The following MEI4 variants were observed in gnomAD, a reference collection of about 807,000 sequenced individuals.
MEI4 encodes meiotic double-stranded break formation protein 4.
A neutral mutation model predicts 31.4 loss-of-function variants in MEI4; 27 were observed. That is an observed-to-expected ratio of 0.86 (90% CI 0.63 to 1.19). The LOEUF (loss-of-function observed/expected upper bound fraction) is 1.19. MEI4 is among the 50% of genes most tolerant of loss of function. MEI4 has a pLI of 0.00. For missense variants in MEI4, 329 were observed against 398.9 expected (o/e 0.82, Z 1.49); for synonymous variants, 122 against 145.4 (o/e 0.84, Z 1.16).
At chr6:77,695,875 A>G (rs1331156914) in intron 2 of MEI4, among the ~76,000 whole-genome samples, 1 of 152,174 alleles carries the variant, frequency 6.6e-6, no homozygotes, top group Admixed American at 6.5e-5. Context: ...TTTTCACGAT[A>G]TAGATTCTTC....
chr6:77,790,819 T>A (rs989608709), intron 3 of MEI4, among the ~76,000 whole-genome samples: 3 of 151,968 alleles, frequency 2.0e-5, no homozygotes, highest in Admixed American at 6.6e-5. Flanking sequence ...CATTATGAAC[T>A]CAAACAAATT....
At chr6:77,883,331 T>G (rs1166998461) in intron 4 of MEI4, among the ~76,000 whole-genome samples, 5 of 152,158 alleles carry the variant, frequency 3.3e-5, no homozygotes, top group Non-Finnish European at 7.3e-5. Flanking sequence ...CTAGCCATTT[T>G]GAAATATATA....
chr6:77,840,864 C>T (rs557771656), intron 4 of MEI4, among the ~76,000 whole-genome samples: 1 of 152,246 alleles, frequency 6.6e-6, no homozygotes, highest in South Asian at 2.1e-4. Flanking sequence ...GATTTTGGAA[C>T]AACATCAAGT....
chr6:77,780,501 A>C (rs1330835198), intron 3 of MEI4, among the ~76,000 whole-genome samples: 1 of 152,150 alleles, frequency 6.6e-6, no homozygotes, highest in Non-Finnish European at 1.5e-5. Context: ...TGAATATCGG[A>C]GTCTGAGTAT....
At chr6:77,705,491 T>G (rs189937972) in intron 2 of MEI4, among the ~76,000 whole-genome samples, 3 of 152,352 alleles carry the variant, frequency 2.0e-5, no homozygotes, top group East Asian at 1.9e-4. Flanking sequence ...TGAGTCACAC[T>G]GAAAGCTAAA....
At chr6:77,917,605 T>C (rs1766591561) in intron 4 of MEI4, among the ~76,000 whole-genome samples, 1 of 50,236 alleles carries the variant, frequency 2.0e-5, no homozygotes, top group Non-Finnish European at 3.3e-5. Flanking sequence ...TTTGCCCACT[T>C]TTTGATGGGG....
At chr6:77,716,462 A>G (rs1400077382) in intron 2 of MEI4, among the ~76,000 whole-genome samples, 1 of 152,190 alleles carries the variant, frequency 6.6e-6, no homozygotes, top group Non-Finnish European at 1.5e-5. Context: ...TATTGTCAGC[A>G]GATGAGTGAC....
chr6:77,734,238 C>G (rs573489009), intron 2 of MEI4, among the ~76,000 whole-genome samples: 13 of 152,110 alleles, frequency 8.5e-5, no homozygotes, highest in Non-Finnish European at 1.8e-4. Flanking sequence ...GTTAACATCT[C>G]CCATTATTAA....
chr6:77,869,047 T>C (rs1301233353), intron 4 of MEI4, among the ~76,000 whole-genome samples: 1 of 152,146 alleles, frequency 6.6e-6, no homozygotes, highest in Non-Finnish European at 1.5e-5. Flanking sequence ...AGTTACTCAC[T>C]CATTCAGTAT....
At chr6:77,763,509 C>G (rs934773390) in intron 3 of MEI4, among the ~76,000 whole-genome samples, 1 of 152,154 alleles carries the variant, frequency 6.6e-6, no homozygotes, top group Admixed American at 6.6e-5. Context: ...TGCAAGAAAG[C>G]CATTCATTCA....
intron 1 of MEI4, among the ~76,000 whole-genome samples, chr6:77,667,819 G>C (rs542820123): frequency 1.3e-5 from 2 of 152,162 alleles, no homozygotes; most frequent in East Asian, 3.9e-4. Context: ...AGAATCATGA[G>C]AGCAAGTGGT....
chr6:77,733,240 G>A (rs1386425718), intron 2 of MEI4, among the ~76,000 whole-genome samples: 1 of 151,940 alleles, frequency 6.6e-6, no homozygotes, highest in Non-Finnish European at 1.5e-5. Flanking sequence ...GAATTTGGCT[G>A]TGAATCCATC....
chr6:77,706,519 A>C (rs570092413), intron 2 of MEI4, among the ~76,000 whole-genome samples: 85 of 152,262 alleles, frequency 5.6e-4, no homozygotes, highest in African/African-American at 1.9e-3. Context: ...ATATCAAGTA[A>C]AATTTTGATT....
intron 2 of MEI4, among the ~76,000 whole-genome samples, chr6:77,696,687 T>C (rs1285689739): frequency 6.6e-6 from 1 of 151,758 alleles, no homozygotes; most frequent in African/African-American, 2.4e-5. Context: ...TTGAGGATTT[T>C]TGCATCAATG....
At chr6:77,876,184 T>A (rs1342395560) in intron 4 of MEI4, among the ~76,000 whole-genome samples, 1 of 152,162 alleles carries the variant, frequency 6.6e-6, no homozygotes, top group Non-Finnish European at 1.5e-5. Flanking sequence ...AAACGCAGAA[T>A]TATACTAATG....
chr6:77,809,025 T>C (rs952572724), intron 3 of MEI4, among the ~76,000 whole-genome samples: 4 of 152,182 alleles, frequency 2.6e-5, no homozygotes, highest in Admixed American at 6.5e-5. Context: ...TAGAAAGTGC[T>C]CCATACAGTT....
intron 4 of MEI4, among the ~76,000 whole-genome samples, chr6:77,903,942 C>G (rs1766239290): frequency 6.6e-6 from 1 of 152,004 alleles, no homozygotes; most frequent in Non-Finnish European, 1.5e-5. Context: ...TATTTGTGTA[C>G]TTAAAGGTCA....
chr6:77,832,908 A>G (rs1348948412), intron 4 of MEI4, among the ~76,000 whole-genome samples: 7 of 152,092 alleles, frequency 4.6e-5, no homozygotes, highest in Non-Finnish European at 7.4e-5. Flanking sequence ...AGTTTAACAT[A>G]TTTTTTATGT....
At chr6:77,731,700 G>T (rs1256507850) in intron 2 of MEI4, among the ~76,000 whole-genome samples, 1 of 151,172 alleles carries the variant, frequency 6.6e-6, no homozygotes, top group East Asian at 2.0e-4. Flanking sequence ...TGAAGTCCTT[G>T]CCCATGCCTA....
Sources: allele counts gnomAD v4.1 joint callset (sites outside exome capture counted in the v4.1 genomes callset), GRCh38; gene constraint gnomAD v4.1.1; transcripts MANE v1.5; gene names NCBI Gene and HGNC (gene_info 2026-07-23, HGNC 2026-07-21).